Variants in PODXL observed in about 807,000 individuals in gnomAD.
PODXL encodes the protein podocalyxin.
In PODXL, 20 loss-of-function variants were observed where a neutral mutation model predicts 48.9. The observed-to-expected ratio is 0.41, with a 90% CI of 0.29 to 0.59. The LOEUF is 0.59. Among genes scored for constraint, PODXL ranks in the 20% least tolerant of loss-of-function variants. PODXL has a pLI of 0.31. For missense variants in PODXL, 606 were observed against 675.1 expected (o/e 0.90, Z 1.13); for synonymous variants, 295 against 287.4 (o/e 1.03, Z -0.27).
At chr7:131,551,368 T>C (rs754476694) in intron 1 of PODXL, among the ~76,000 whole-genome samples, 8 of 152,140 alleles carry the variant, frequency 5.3e-5, no homozygotes, top group Non-Finnish European at 1.0e-4. Context: ...AGCCCAGAGC[T>C]GGGTAAAGAG....
At position 131,510,976 on chromosome 7, in the gene PODXL, T is replaced by G; in HGVS notation, c.558A>C (p.Pro186=). 1 of 1,614,042 alleles carries G rather than the reference T, an allele frequency of 6.2e-7. No individual in the cohort carries two copies. Among genetic ancestry groups the G allele is most frequent in the Non-Finnish European group, 8.5e-7 (1 of 1,179,990 alleles). The change falls in exon 2 of 9, where the codon CCA becomes CCC. Residue 186 remains proline, a synonymous_variant. Coordinates refer to ENST00000378555, the MANE Select transcript of PODXL (RefSeq NM_001018111.3). ...EHLTTPHPTS[P]LSPRQPTSTH... ...TCGAAGTGGGTTGTCGGGGGCTAAG[T>G]GGACTTGTAGGGTGAGGGGTCGTCA...
At chr7:131,552,800 T>G (rs1798688748) in intron 1 of PODXL, among the ~76,000 whole-genome samples, 1 of 152,130 alleles carries the variant, frequency 6.6e-6, no homozygotes, top group African/African-American at 2.4e-5. Flanking sequence ...CTTGTTTTTT[T>G]CCTTGAGTCA....
chr7:131,547,803 C>A (rs1798606761), intron 1 of PODXL, among the ~76,000 whole-genome samples: 1 of 152,218 alleles, frequency 6.6e-6, no homozygotes. Context: ...AAGGCAGCTC[C>A]ACGGAATACC....
At chr7:131,541,337 G>T (rs1798477905) in intron 1 of PODXL, among the ~76,000 whole-genome samples, 1 of 152,010 alleles carries the variant, frequency 6.6e-6, no homozygotes, top group African/African-American at 2.4e-5. Context: ...TTGGACAGTA[G>T]GGAGTGGAGT....
chr7:131,501,710 G>A lies in PODXL; in HGVS notation c.*2601C>T, dbSNP rs1483483504. ...CTACAACCTGTTTAAGTCATGCTGA[G>A]CTTCTAGTGTTCCTCTTACCTCTTC... On this transcript the variant is annotated 3_prime_UTR_variant, in exon 9 of 9. Coordinates refer to ENST00000378555, the MANE Select transcript of PODXL (RefSeq NM_001018111.3). 6.6e-6 allele frequency: 1 copy of A among 152,142 alleles called. No individual in the cohort carries two copies. Among genetic ancestry groups the A allele is most frequent in the Non-Finnish European group, 1.5e-5 (1 of 68,032 alleles). The allele number at this position is 152,142 out of a possible 1,614,324, so 9.4% of individuals were successfully genotyped here. A position where few individuals can be genotyped will look rare whatever the true frequency, so the allele number is the denominator to read the frequency against.
chr7:131,508,242 G>A (rs185824790), intron 5 of PODXL, among the ~76,000 whole-genome samples: 1 of 152,250 alleles, frequency 6.6e-6, no homozygotes, highest in African/African-American at 2.4e-5. Flanking sequence ...GAGAAATGCT[G>A]GCAGTGGCTC....
At position 131,510,887 on chromosome 7, in the gene PODXL, G is replaced by A; in HGVS notation, c.647C>T (p.Ser216Leu). 1.2e-6 allele frequency: 2 copies of A among 1,614,132 alleles called. No individual in the cohort carries two copies. The highest frequency in any genetic ancestry group is 1.7e-6 in the Non-Finnish European group (2 of 1,180,018). The change falls in exon 2 of 9, where the codon TCA (serine) becomes TTA (leucine). Residue 216 changes from serine (S) to leucine (L), a missense_variant. Coordinates refer to ENST00000378555, the MANE Select transcript of PODXL (RefSeq NM_001018111.3). ...GTAGCCAGGGATAGCCACAGTGCTTGAACTGCTTGAAATTTTCATAAGATG... is the reference window on the plus strand; with the variant it reads ...GTAGCCAGGGATAGCCACAGTGCTTAAACTGCTTGAAATTTTCATAAGATG... ...HDHLMKISSS[S>L]STVAIPGYTF...
chr7:131,506,382 G>C, intron 6 of PODXL, 61 bp from the exon 7 acceptor site: 1 of 1,558,132 alleles, frequency 6.4e-7, no homozygotes, highest in Non-Finnish European at 8.9e-7. Flanking sequence ...GGGGGACGGG[G>C]ACTGCGCCCC....
chr7:131,548,189 G>A (rs958794593), intron 1 of PODXL, among the ~76,000 whole-genome samples: 3 of 152,254 alleles, frequency 2.0e-5, no homozygotes, highest in Non-Finnish European at 4.4e-5. Context: ...TGTTTCCTGA[G>A]AGCTGTGTGC....
At chr7:131,540,784 G>A (rs548391111) in intron 1 of PODXL, among the ~76,000 whole-genome samples, 3 of 152,260 alleles carry the variant, frequency 2.0e-5, no homozygotes, top group South Asian at 4.2e-4. Flanking sequence ...CACCAGGGCC[G>A]AGTCTCCACT....
At chr7:131,532,721 C>G (rs1481595965) in intron 1 of PODXL, among the ~76,000 whole-genome samples, 1 of 152,046 alleles carries the variant, frequency 6.6e-6, no homozygotes, top group Non-Finnish European at 1.5e-5. Flanking sequence ...ATGTGGAAGC[C>G]CCAACCCCCA....
rs1797860681 is a variant in PODXL, at chr7:131,508,994, C to T, written c.1058G>A (p.Ser353Asn). 1.2e-6 allele frequency: 2 copies of T among 1,613,984 alleles called. No individual in the cohort carries two copies. The highest frequency in any genetic ancestry group is 2.7e-5 in the African/African-American group (2 of 74,928). ...GAGGTTCAGGACGAGCTGCTTCTCA[C>T]TCTGTGTCTGTGTCTCAAGATCCTC... ...KCEDLETQTQ[S>N]EKQLVLNLTG... The change falls in exon 5 of 9, where the codon AGT becomes AAT. Residue 353 changes from serine (S) to asparagine (N), a missense_variant. Coordinates refer to ENST00000378555, the MANE Select transcript of PODXL (RefSeq NM_001018111.3).
chr7:131,517,893 T>C (rs781388838), intron 1 of PODXL, among the ~76,000 whole-genome samples: 6 of 152,082 alleles, frequency 3.9e-5, no homozygotes, highest in Non-Finnish European at 5.9e-5. Flanking sequence ...TACACACCAC[T>C]ACACCAGGCT....
chr7:131,516,345 C>G (rs899175130), intron 1 of PODXL, among the ~76,000 whole-genome samples: 5 of 152,266 alleles, frequency 3.3e-5, no homozygotes, highest in Non-Finnish European at 7.4e-5. Context: ...TTGAGACCAG[C>G]CTGGCCAACA....
At position 131,506,587 on chromosome 7, in the gene PODXL, G is replaced by A. The variant is rs747617796; in HGVS notation, c.1241C>T (p.Thr414Ile). The change falls in exon 6 of 9, where the codon ACT becomes ATT. Residue 414 changes from threonine to isoleucine, a missense_variant. Coordinates refer to ENST00000378555, the MANE Select transcript of PODXL (RefSeq NM_001018111.3). ...GSQTVVVKEI[T>I]IHTKLPAKDV... ...CCTTGCCCTCCACTCACTGTGAATAGTGATTTCTTTGACGACCACGGTCTG... is the reference window on the plus strand; with the variant it reads ...CCTTGCCCTCCACTCACTGTGAATAATGATTTCTTTGACGACCACGGTCTG... 6.2e-7 allele frequency: 1 copy of A among 1,614,114 alleles called. No homozygotes were observed. The highest frequency in any genetic ancestry group is 8.5e-7 in the Non-Finnish European group (1 of 1,180,006).
intron 1 of PODXL, among the ~76,000 whole-genome samples, chr7:131,538,794 C>T (rs183747675): frequency 2.0e-5 from 3 of 152,280 alleles, no homozygotes; most frequent in African/African-American, 7.2e-5. Flanking sequence ...GTCCCCATGC[C>T]GAGCCCCTGG....
rs754526398 is a variant in PODXL at position 131,556,294 on chromosome 7, C to CGGCGAT, written c.65_66insATCGCC (p.Pro30_Ser31dup). On this transcript the variant is annotated inframe_insertion, in exon 1 of 9. Coordinates refer to ENST00000378555, the MANE Select transcript of PODXL (RefSeq NM_001018111.3). ...AGGGCGACGGCGACGGCGACGGCGA[C>CGGCGAT]GACGGCAGCAGCGGCGGCGTTGACA... 1.3e-6 allele frequency: 2 copies of CGGCGAT among 1,498,624 alleles called. No homozygotes were observed. Among genetic ancestry groups the CGGCGAT allele is most frequent in the South Asian group, 1.3e-5 (1 of 78,214 alleles). The allele number at this position is 1,498,624 out of a possible 1,614,324, so 92.8% of individuals were successfully genotyped here.
chr7:131,540,273 C>T (rs571440344), intron 1 of PODXL, among the ~76,000 whole-genome samples: 1 of 152,242 alleles, frequency 6.6e-6, no homozygotes, highest in South Asian at 2.1e-4. Flanking sequence ...CCTTGAACTC[C>T]TGAGCTCAAG....
chr7:131,546,871 C>T (rs112581227), intron 1 of PODXL, among the ~76,000 whole-genome samples: 1,616 of 152,270 alleles, frequency 0.011, 16 homozygotes, highest in African/African-American at 0.037. Flanking sequence ...TAGCTAAGCC[C>T]ACCCTGGCCA....
Sources: gnomAD v4.1 joint callset for allele counts (sites outside exome capture counted in the v4.1 genomes callset) on GRCh38, gnomAD v4.1.1 for gene constraint, MANE v1.5 for transcripts, NCBI Gene and HGNC (gene_info 2026-07-23, HGNC 2026-07-21) for gene names.